Variants in PHF2 observed in about 807,000 individuals in gnomAD.
PHF2 encodes the protein PHD finger protein 2, also known as lysine-specific demethylase PHF2.
PHF2 carries 27 observed loss-of-function variants against 120.5 expected under a neutral mutation model. The ratio of observed to expected loss-of-function variants is 0.22; its 90% confidence interval spans 0.17 to 0.31. The LOEUF (loss-of-function observed/expected upper bound fraction) is 0.31, where lower values mean the gene tolerates loss of function less well. Among genes scored for constraint, PHF2 ranks in the 10% least tolerant of loss-of-function variants. The probability of loss-of-function intolerance (pLI) is 1.00; values close to 1 mark genes in which losing one functional copy is unlikely to be tolerated. For missense variants in PHF2, 1,024 were observed against 1,434.8 expected (o/e 0.71, Z 4.63); for synonymous variants, 568 against 592.5 (o/e 0.96, Z 0.60).
Position 93,660,473 on chromosome 9 carries a change from A to G in PHF2, c.1611A>G (p.Ser537=). ...AGAAAGGGAAGAAGTCCCGGGAGTC[A>G]GCCTCACCCACCATCCCCAACCTGG... The part of the protein sequence containing the change: ...GKKKGKKSRE[S]ASPTIPNLDL... Residue 537 remains serine (S), a synonymous_variant, in exon 12 of 22, where the codon TCA becomes TCG. Transcript: ENST00000359246. The G allele has an allele frequency of 6.3e-7, 1 of 1,596,926 alleles. No homozygotes were observed. The highest frequency in any genetic ancestry group is 8.5e-7 in the Non-Finnish European group (1 of 1,173,348).
At chr9:93,637,219 A>C (rs1019387698) in intron 3 of PHF2, among the ~76,000 whole-genome samples, 1 of 152,200 alleles carries the variant, frequency 6.6e-6, no homozygotes, top group African/African-American at 2.4e-5. Flanking sequence ...TGTGATTTCT[A>C]ATGCAAAATC....
At chr9:93,596,979 G>A (rs1341198594) in intron 1 of PHF2, among the ~76,000 whole-genome samples, 4 of 146,026 alleles carry the variant, frequency 2.7e-5, no homozygotes, top group Admixed American at 1.4e-4. Flanking sequence ...CTCCCAGGCC[G>A]GAGTGCAGTG....
rs1826849737 is a variant in PHF2, at chr9:93,673,615, A to G, written c.2379A>G (p.Glu793=). 6.3e-7 allele frequency: 1 copy of G among 1,589,652 alleles called. No homozygotes were observed. Among genetic ancestry groups the G allele is most frequent in the Non-Finnish European group, 8.6e-7 (1 of 1,163,962 alleles). The part of the protein sequence containing the change: ...SQPPASPSTQ[E]AIQGMLSMAN... The stretch of plus-strand genomic sequence containing the variant: ...CCCCGGCCTCCCCCAGCACACAGGA[A>G]GCCATTCAGGGAATGCTGTCCATGG... The change falls in exon 18 of 22, where the codon GAA becomes GAG. Residue 793 remains glutamate (E), a synonymous_variant. Transcript: ENST00000359246.
rs116244991 is a variant in PHF2, at chr9:93,674,903, C to T, written c.2627-24C>T. Reference sequence around the variant, plus strand: ...GACCTGCCCTGCACTCAGCGGGCCACGCCTTCCCTCTGCCTCCCTCTAGTT... The same window carrying T: ...GACCTGCCCTGCACTCAGCGGGCCATGCCTTCCCTCTGCCTCCCTCTAGTT... On this transcript the variant is annotated intron_variant, in intron 18 of 21. Coordinates refer to ENST00000359246, the MANE Select transcript of PHF2 (RefSeq NM_005392.4). The T allele has an allele frequency of 1.0e-3, 1,592 of 1,583,746 alleles. 24 individuals carry two copies. In the African/African-American group the frequency reaches 0.019, roughly 18 times the overall value.
At chr9:93,602,810 T>C (rs1825466738) in intron 1 of PHF2, among the ~76,000 whole-genome samples, 1 of 152,194 alleles carries the variant, frequency 6.6e-6, no homozygotes, top group Non-Finnish European at 1.5e-5. Flanking sequence ...TCGAGTTTTA[T>C]AGCTCATTTG....
intron 14 of PHF2, 35 bp from the exon 15 acceptor site, chr9:93,665,651 T>C: frequency 6.2e-7 from 1 of 1,605,950 alleles, no homozygotes; most frequent in Non-Finnish European, 8.5e-7. Flanking sequence ...TGTGGGGCTA[T>C]GTGGATGCTG....
At chr9:93,649,248 G>GGT in intron 5 of PHF2, 36 bp downstream of exon 5, 23 of 861,194 alleles carry the variant, frequency 2.7e-5, no homozygotes, top group East Asian at 4.2e-5. Flanking sequence ...GGGGGCTGGG[G>GGT]TTGGGGCAGG....
At chr9:93,619,756 G>A (rs1384939005) in intron 1 of PHF2, among the ~76,000 whole-genome samples, 1 of 152,240 alleles carries the variant, frequency 6.6e-6, no homozygotes, top group Admixed American at 6.5e-5. Flanking sequence ...ACAAGCTTCT[G>A]TTGTCGCAGG....
intron 1 of PHF2, among the ~76,000 whole-genome samples, chr9:93,587,900 C>A (rs1003116980): frequency 6.6e-6 from 1 of 152,182 alleles, no homozygotes; most frequent in Non-Finnish European, 1.5e-5. Flanking sequence ...CCCCTGTCTG[C>A]TGGGTAGCCC....
intron 1 of PHF2, among the ~76,000 whole-genome samples, chr9:93,611,696 G>A (rs1448707569): frequency 6.6e-6 from 1 of 151,300 alleles, no homozygotes; most frequent in Non-Finnish European, 1.5e-5. Flanking sequence ...TTTATTTTTT[G>A]TGGAGATGGG....
intron 9 of PHF2, 31 bp from the exon 10 acceptor site, chr9:93,658,114 C>T: frequency 6.7e-7 from 1 of 1,497,430 alleles, no homozygotes; most frequent in Non-Finnish European, 9.3e-7. Context: ...CAGCAGGCAC[C>T]CACCCACCTC....
chr9:93,623,175 A>T (rs796272516), intron 1 of PHF2, among the ~76,000 whole-genome samples: 5 of 152,188 alleles, frequency 3.3e-5, no homozygotes, highest in African/African-American at 1.2e-4. Context: ...TCTCACATGG[A>T]TGTAGGGTCT....
intron 1 of PHF2, among the ~76,000 whole-genome samples, chr9:93,602,168 A>T (rs1269639520): frequency 6.6e-6 from 1 of 151,542 alleles, no homozygotes; most frequent in African/African-American, 2.4e-5. Context: ...ATCGAACAAA[A>T]GTATGTAAAT....
intron 12 of PHF2, among the ~76,000 whole-genome samples, chr9:93,661,126 T>C (rs1289409238): frequency 6.6e-6 from 1 of 152,028 alleles, no homozygotes; most frequent in East Asian, 1.9e-4. Flanking sequence ...GTGGCCCTGA[T>C]AGTCTGAGCC....
intron 17 of PHF2, chr9:93,671,001 A>C: frequency 1.0e-6 from 1 of 982,406 alleles, no homozygotes; most frequent in Non-Finnish European, 1.2e-6. Flanking sequence ...TCAGGTGCAG[A>C]TGCAGCTGCA....
intron 3 of PHF2, among the ~76,000 whole-genome samples, chr9:93,639,365 A>T (rs928097750): frequency 6.6e-6 from 1 of 152,082 alleles, no homozygotes; most frequent in Non-Finnish European, 1.5e-5. Context: ...TAATTTTCAG[A>T]TTGTTCATTG....
intron 2 of PHF2, among the ~76,000 whole-genome samples, chr9:93,635,864 T>G (rs1446149515): frequency 6.6e-6 from 1 of 151,482 alleles, no homozygotes; most frequent in East Asian, 1.9e-4. Context: ...GGGTTGGCGG[T>G]GGTCAGGGGA....
intron 1 of PHF2, among the ~76,000 whole-genome samples, chr9:93,582,879 A>C (rs1384896643): frequency 6.6e-6 from 1 of 152,216 alleles, no homozygotes; most frequent in East Asian, 1.9e-4. Flanking sequence ...GCACATGGGG[A>C]AACGAGCCTT....
intron 18 of PHF2, among the ~76,000 whole-genome samples, chr9:93,674,157 G>A (rs1229271738): frequency 6.6e-6 from 1 of 152,082 alleles, no homozygotes; most frequent in Non-Finnish European, 1.5e-5. Flanking sequence ...GGCACCGGGC[G>A]CCATCTTGCT....
Sources: gnomAD v4.1 joint callset for allele counts (sites outside exome capture counted in the v4.1 genomes callset) on GRCh38, gnomAD v4.1.1 for gene constraint, MANE v1.5 for transcripts, NCBI Gene and HGNC (gene_info 2026-07-23, HGNC 2026-07-21) for gene names.